Variants in ZNF222 observed in about 807,000 individuals in gnomAD.
The protein encoded by ZNF222 is zinc finger protein 222.
In ZNF222, 8 loss-of-function variants were observed where a neutral mutation model predicts 11.6. The observed-to-expected ratio is 0.69, with a 90% CI of 0.41 to 1.25. The LOEUF (loss-of-function observed/expected upper bound fraction) is 1.25. Among genes scored for constraint, ZNF222 ranks in the 50% most tolerant of loss-of-function variants. The pLI, the probability that ZNF222 is intolerant of heterozygous loss-of-function variation, is 0.01. For synonymous variants in ZNF222, 171 were observed against 195.6 expected (o/e 0.87, Z 1.05); for missense variants, 483 against 576.1 (o/e 0.84, Z 1.65).
intron 3 of ZNF222, among the ~76,000 whole-genome samples, chr19:44,031,342 C>G (rs144445614): frequency 6.6e-6 from 1 of 152,296 alleles, no homozygotes; most frequent in East Asian, 1.9e-4. Context: ...CCAGGGTGCA[C>G]TTGGAAAACA....
rs766963785 is a variant in ZNF222 at position 44,027,009 on chromosome 19, G to C, written c.43-14G>C. 2.5e-6 allele frequency: 4 copies of C among 1,613,856 alleles called. 1 individual carries two copies. The East Asian group carries it at 8.9e-5, about 36-fold the overall frequency. On this transcript the variant is annotated splice_polypyrimidine_tract_variant and intron_variant, in intron 1 of 3. Coordinates refer to ENST00000391960, the MANE Select transcript of ZNF222 (RefSeq NM_001129996.2). ...TGGCCGTAAGATTGAGGTGACATCT[G>C]CTTGATGTTGTAGGAGGCAGTGACC...
chr19:44,031,386 A>G (rs1483680242), intron 3 of ZNF222, among the ~76,000 whole-genome samples: 1 of 152,204 alleles, frequency 6.6e-6, no homozygotes, highest in Non-Finnish European at 1.5e-5. Flanking sequence ...TAAATCCCAC[A>G]TCCTAAGTGT....
intron 3 of ZNF222, chr19:44,028,532 C>T (rs1425137102): frequency 6.0e-6 from 2 of 333,340 alleles, no homozygotes; most frequent in East Asian, 4.5e-5. Context: ...TCTCCAAGCA[C>T]CTTATTGAAA....
Position 44,025,574 on chromosome 19 carries a change from G to T in ZNF222, c.42+96G>T. ...GGGTCTCAGGGAGTGGGATTGGCGC[G>T]GCCCGGTGTGCCCTACTTTGACCTC... On this transcript the variant is annotated intron_variant, in intron 1 of 3. Coordinates refer to ENST00000391960, the MANE Select transcript of ZNF222 (RefSeq NM_001129996.2). This position sits in a 1 kb window ranked among gnomAD's most constrained non-coding sequence, Gnocchi z 4.6. 2 of 1,344,738 alleles carry T rather than the reference G, an allele frequency of 1.5e-6. No individual in the cohort carries two copies. Among genetic ancestry groups the T allele is most frequent in the African/African-American group, 1.5e-5 (1 of 67,780 alleles). 83.3% of individuals were successfully genotyped at this position (1,344,738 alleles called of 1,614,324 possible).
chr19:44,026,528 T>TTCTC (rs144596220), intron 1 of ZNF222, among the ~76,000 whole-genome samples: 89 of 143,256 alleles, frequency 6.2e-4, no homozygotes, highest in African/African-American at 2.2e-3. Flanking sequence ...ACTATTTTCT[T>TTCTC]TCTCTCTCTC....
At position 44,033,036 on chromosome 19, in the gene ZNF222, A is replaced by T. The variant is rs1174739425; in HGVS notation, c.*6A>T. The T allele has an allele frequency of 6.6e-7, 1 of 1,507,172 alleles. No individual in the cohort carries two copies. Among genetic ancestry groups the T allele is most frequent in the African/African-American group, 1.4e-5 (1 of 70,298 alleles). The allele number at this position is 1,507,172 out of a possible 1,614,324, so 93.4% of individuals were successfully genotyped here. ...TATTTTTAAATGACATATAAGTTAT[A>T]CATATTTATGGAGTGTGAAATTTGA... On this transcript the variant is annotated 3_prime_UTR_variant, in exon 4 of 4. Coordinates refer to ENST00000391960, the MANE Select transcript of ZNF222 (RefSeq NM_001129996.2).
chr19:44,028,263 C>T (rs2147444337), intron 3 of ZNF222: 1 of 398,896 alleles, frequency 2.5e-6, no homozygotes, highest in Non-Finnish European at 4.4e-6. Context: ...CTCCCACTTT[C>T]TGCTTAGCTG....
At position 44,032,427 on chromosome 19, in the gene ZNF222, T is replaced by C. The variant is rs1211500041; in HGVS notation, c.873T>C (p.His291=). ...AGCTTCAGAAACATCACAGAATTCA[T>C]ACTGGGGAGAAGCCATTCAAATGTG... ...NFQLQKHHRI[H]TGEKPFKCEI... is the part of the protein sequence containing the mutation. The change falls in exon 4 of 4, where the codon CAT becomes CAC. Residue 291 remains histidine (H), a synonymous_variant. Coordinates refer to ENST00000391960, the MANE Select transcript of ZNF222 (RefSeq NM_001129996.2). 6 of 1,614,044 alleles carry C rather than the reference T, an allele frequency of 3.7e-6. No individual in the cohort carries two copies. The highest frequency in any genetic ancestry group is 5.1e-6 in the Non-Finnish European group (6 of 1,180,024).
intron 3 of ZNF222, among the ~76,000 whole-genome samples, chr19:44,030,571 C>T (rs1976481774): frequency 6.6e-6 from 1 of 152,158 alleles, no homozygotes; most frequent in African/African-American, 2.4e-5. Context: ...TATAGTTAAC[C>T]AAGAGAGAAA....
chr19:44,026,051 G>A (rs1976352060), intron 1 of ZNF222: 1 of 1,613,460 alleles, frequency 6.2e-7, no homozygotes, highest in African/African-American at 1.3e-5. Flanking sequence ...AGAGCTGCAG[G>A]AAGGGACTTC....
intron 3 of ZNF222, chr19:44,028,090 G>A (rs750594072): frequency 2.8e-5 from 11 of 399,618 alleles, no homozygotes; most frequent in Non-Finnish European, 4.4e-5. Context: ...TCCACACTCC[G>A]TGGCTCTTGT....
rs1599857279 is a variant in ZNF222, at chr19:44,025,909, G to T, written c.42+431G>T. The T allele has an allele frequency of 3.8e-6, 4 of 1,053,580 alleles. No individual in the cohort carries two copies. In the African/African-American group the frequency reaches 6.4e-5, roughly 17 times the overall value. 65.3% of individuals were successfully genotyped at this position (1,053,580 alleles called of 1,614,324 possible). ...CGGCCCTTCTGCCTGATCCCTGCAG[G>T]ACGCTGGATGATCCCTGACGCCTTC... On this transcript the variant is annotated intron_variant, in intron 1 of 3. Transcript: ENST00000391960. This position sits in a 1 kb window ranked among gnomAD's most constrained non-coding sequence, Gnocchi z 4.6.
intron 3 of ZNF222, among the ~76,000 whole-genome samples, chr19:44,031,437 A>G (rs1012359073): frequency 6.6e-6 from 1 of 152,144 alleles, no homozygotes; most frequent in Admixed American, 6.5e-5. Flanking sequence ...ACTTGTCCAC[A>G]TGTCTTATTT....
Position 44,032,180 on chromosome 19 carries a change from G to T in ZNF222, c.626G>T (p.Gly209Val). Residue 209 changes from glycine to valine, a missense_variant, in exon 4 of 4, where the codon GGA (glycine) becomes GTA (valine). By Grantham distance (109) the Gly-to-Val change is moderately radical. Coordinates refer to ENST00000391960, the MANE Select transcript of ZNF222 (RefSeq NM_001129996.2). ...CATATTCATCAGAGGGTCCACATGGGAGTGAAATGCTATAAGTGTGATGTG... is the reference window on the plus strand; with the variant it reads ...CATATTCATCAGAGGGTCCACATGGTAGTGAAATGCTATAAGTGTGATGTG... ...ALHIHQRVHM[G>V]VKCYKCDVCG... 1 of 1,614,204 alleles carries T rather than the reference G, an allele frequency of 6.2e-7. No homozygotes were observed. Among genetic ancestry groups the T allele is most frequent in the Middle Eastern group, 1.6e-4 (1 of 6,062 alleles).
chr19:44,028,001 A>G (rs1175025751), intron 3 of ZNF222, among the ~76,000 whole-genome samples: 1 of 152,218 alleles, frequency 6.6e-6, no homozygotes, highest in Non-Finnish European at 1.5e-5. Flanking sequence ...GCAAAAATCA[A>G]GTGGTCTTAG....
In ZNF222 at chr19:44,025,558, G is replaced by C; in HGVS notation, c.42+80G>C. ...TCGGGGGGCTCTGCTAGGGTCTCAG[G>C]GAGTGGGATTGGCGCGGCCCGGTGT... On this transcript the variant is annotated intron_variant, in intron 1 of 3. Coordinates refer to ENST00000391960, the MANE Select transcript of ZNF222 (RefSeq NM_001129996.2). This position sits in a 1 kb window ranked among gnomAD's most constrained non-coding sequence, Gnocchi z 4.6. 1 of 1,445,340 alleles carries C rather than the reference G, an allele frequency of 6.9e-7. No individual in the cohort carries two copies. The highest frequency in any genetic ancestry group is 2.5e-5 in the East Asian group (1 of 40,222). The allele number at this position is 1,445,340 out of a possible 1,614,324, so 89.5% of individuals were successfully genotyped here. A position where few individuals can be genotyped will look rare whatever the true frequency, so the allele number is the denominator to read the frequency against.
Position 44,032,737 on chromosome 19 carries a change from G to A in ZNF222, c.1183G>A (p.Gly395Ser). Residue 395 changes from glycine (G) to serine (S), a missense_variant, in exon 4 of 4, where the codon GGT (glycine) becomes AGT (serine). Coordinates refer to ENST00000391960, the MANE Select transcript of ZNF222 (RefSeq NM_001129996.2). ...TGGGAAGGGCTACATTAGTAAGTCA[G>A]GTCTTGACTTCCACCATAGAACCCA... ...ECGKGYISKS[G>S]LDFHHRTHTG... 1 of 1,614,096 alleles carries A rather than the reference G, an allele frequency of 6.2e-7. No homozygotes were observed. Among genetic ancestry groups the A allele is most frequent in the Non-Finnish European group, 8.5e-7 (1 of 1,180,018 alleles).
intron 3 of ZNF222, 129 bp downstream of exon 3, chr19:44,027,619 C>T: frequency 2.3e-6 from 2 of 865,710 alleles, no homozygotes; most frequent in Non-Finnish European, 3.7e-6. Flanking sequence ...CCTGCTGATG[C>T]CCCTGCTCCC....
At position 44,025,963 on chromosome 19, in the gene ZNF222, C is replaced by G. The variant is rs1256938658; in HGVS notation, c.42+485C>G. The G allele has an allele frequency of 4.0e-6, 6 of 1,506,690 alleles. No individual in the cohort carries two copies. The South Asian group carries it at 6.1e-5, about 15-fold the overall frequency. The allele number at this position is 1,506,690 out of a possible 1,614,324, so 93.3% of individuals were successfully genotyped here. ...CCTCTTTTTAGGAAAGTGAGGGGAG[C>G]ATTTAACTTTTATGGGGGACGGCAA... On this transcript the variant is annotated intron_variant, in intron 1 of 3. Coordinates refer to ENST00000391960, the MANE Select transcript of ZNF222 (RefSeq NM_001129996.2). The surrounding 1 kb of genome is among the most constrained non-coding windows in gnomAD (Gnocchi z 4.6).
Sources: allele counts gnomAD v4.1 joint callset (sites outside exome capture counted in the v4.1 genomes callset), GRCh38; gene constraint gnomAD v4.1.1; non-coding constraint Gnocchi (gnomAD v3.1); transcripts MANE v1.5; gene names NCBI Gene and HGNC (gene_info 2026-07-23, HGNC 2026-07-21).